The following MYH6 variants were observed in gnomAD, a reference collection of about 807,000 sequenced individuals.
MYH6 encodes the protein myosin heavy chain 6.
A neutral mutation model predicts 223.2 loss-of-function variants in MYH6; 126 were observed. The ratio of observed to expected loss-of-function variants is 0.56; its 90% CI spans 0.49 to 0.65. MYH6 has a LOEUF of 0.65. Ranked by LOEUF, MYH6 falls within the 30% of genes least tolerant of loss-of-function variation. MYH6 has a pLI of 0.00. For synonymous variants in MYH6, 978 were observed against 1,010.2 expected (o/e 0.97, Z 0.61); for missense variants, 2,040 against 2,536.4 (o/e 0.80, Z 4.20).
chr14:23,386,736 G>A, intron 32 of MYH6, 113 bp from the exon 33 acceptor site: 1 of 1,329,362 alleles, frequency 7.5e-7, no homozygotes, highest in Non-Finnish European at 1.0e-6. Flanking sequence ...GAAGAGCTGA[G>A]AAGAGATGGG....
chr14:23,388,111 C>T, intron 30 of MYH6, 44 bp downstream of exon 30: 1 of 1,612,100 alleles, frequency 6.2e-7, no homozygotes, highest in Non-Finnish European at 8.5e-7. Flanking sequence ...CCCCTCATGC[C>T]CCCTTGCCCT....
rs200503588 is a variant in MYH6, at chr14:23,389,635, T to A, written c.3817A>T (p.Asn1273Tyr). 3 of 1,614,110 alleles carry A rather than the reference T, an allele frequency of 1.9e-6. No homozygotes were observed. The highest frequency in any genetic ancestry group is 1.3e-5 in the African/African-American group (1 of 75,020). ...TTGGCTCGCTGGGTGGTGAAATCAT[T>A]GAGGGAGCGTTGGGCCTCTTCTAGC... ...VKLEEAQRSL[N>Y]DFTTQRAKLQ... The change falls in exon 27 of 39, where the codon AAT becomes TAT. Residue 1273 changes from asparagine (N) to tyrosine (Y), a missense_variant. Around this residue, in one of 4 missense-constraint regions of MYH6, gnomAD observed 1,203 missense variants for 1,400.2 expected, o/e 0.86. Coordinates refer to ENST00000405093, the MANE Select transcript of MYH6 (RefSeq NM_002471.4).
chr14:23,387,432 T>G, intron 32 of MYH6, 97 bp downstream of exon 32: 2 of 1,572,086 alleles, frequency 1.3e-6, no homozygotes, highest in Non-Finnish European at 1.7e-6. Flanking sequence ...ATGGAATGAA[T>G]AGATTTTGTC....
Position 23,394,232 on chromosome 14 carries a change from G to A in MYH6, c.2521C>T (p.Leu841=), listed in dbSNP as rs760142743. ...WMKLYFKIKP[L]LKSAETEKEM... ...TTCTCCGTCTCTGCGCTCTTCAGCAGCGGCTTGATCTTGAAGTAGAGCTTC... is the reference window on the plus strand; with the variant it reads ...TTCTCCGTCTCTGCGCTCTTCAGCAACGGCTTGATCTTGAAGTAGAGCTTC... Residue 841 remains leucine, a synonymous_variant, in exon 21 of 39, where the codon CTG becomes TTG. Transcript: ENST00000405093. The A allele has an allele frequency of 4.3e-6, 7 of 1,614,234 alleles. No individual in the cohort carries two copies. The highest frequency in any genetic ancestry group is 5.9e-6 in the Non-Finnish European group (7 of 1,180,046).
chr14:23,388,985 T>A lies in MYH6; in HGVS notation c.4049A>T (p.Glu1350Val). The A allele has an allele frequency of 6.2e-7, 1 of 1,611,638 alleles. No homozygotes were observed. Residue 1350 changes from glutamate to valine, a missense_variant, in exon 29 of 39, where the codon GAG becomes GTG. Physicochemically the swap from Glu to Val is moderately radical, Grantham distance 121 (BLOSUM62 -2). This residue lies in a region of MYH6 where 1,203 missense variants were observed against 1,400.2 expected (regional missense o/e 0.86). Transcript: ENST00000405093. ...HDCDLLREQY[E>V]EETEAKAELQ... Reference sequence around the variant, plus strand: ...CTCGGCCTTGGCCTCTGTCTCCTCCTCGTACTGCTCCCGCAGCAGGTCGCA... The same window carrying A: ...CTCGGCCTTGGCCTCTGTCTCCTCCACGTACTGCTCCCGCAGCAGGTCGCA...
At chr14:23,399,098 T>G in intron 14 of MYH6, 61 bp from the exon 15 acceptor site, 8 of 1,592,132 alleles carry the variant, frequency 5.0e-6, no homozygotes, top group Non-Finnish European at 6.9e-6. Flanking sequence ...GCTTCCACAG[T>G]CCCATACCCT....
intron 33 of MYH6, 81 bp downstream of exon 33, chr14:23,386,234 T>C: frequency 6.2e-7 from 1 of 1,613,172 alleles, no homozygotes; most frequent in Non-Finnish European, 8.5e-7. Flanking sequence ...AGGAGGAATC[T>C]GGTGCCTGTA....
chr14:23,392,378 C>T (rs375720529), intron 25 of MYH6, among the ~76,000 whole-genome samples, 184 bp downstream of exon 25: 2 of 152,210 alleles, frequency 1.3e-5, no homozygotes, highest in Middle Eastern at 3.4e-3. Flanking sequence ...GTTTTGCTAA[C>T]GTAATGTATT....
intron 20 of MYH6, among the ~76,000 whole-genome samples, chr14:23,395,763 C>G (rs563561754): frequency 1.3e-5 from 2 of 151,912 alleles, no homozygotes; most frequent in Non-Finnish European, 2.9e-5. Flanking sequence ...CTCCTGACCT[C>G]GTGATCCACC....
At chr14:23,392,468 C>G in intron 25 of MYH6, 94 bp downstream of exon 25, 2 of 988,364 alleles carry the variant, frequency 2.0e-6, no homozygotes, top group Non-Finnish European at 1.6e-6. Flanking sequence ...GCCTGGAGTT[C>G]CAGATATTGT....
At chr14:23,385,596 A>G (rs1157859094) in intron 34 of MYH6, among the ~76,000 whole-genome samples, 1 of 152,002 alleles carries the variant, frequency 6.6e-6, no homozygotes, top group African/African-American at 2.4e-5. Context: ...AGATGCAGTT[A>G]TGCTTCTTTA....
At position 23,397,561 on chromosome 14, in the gene MYH6, C is replaced by T. The variant is rs367742240; in HGVS notation, c.1944G>A (p.Thr648=). The change falls in exon 16 of 39, where the codon ACG becomes ACA. Residue 648 remains threonine (T), a synonymous_variant. Coordinates refer to ENST00000405093, the MANE Select transcript of MYH6 (RefSeq NM_002471.4). ...TTCTTACCCGGTGGAGAGCCGACACCGTCTGGAAGGATGAGCCCTTTTTCT... is the reference window on the plus strand; with the variant it reads ...TTCTTACCCGGTGGAGAGCCGACACTGTCTGGAAGGATGAGCCCTTTTTCT... ...GGKKKGSSFQ[T]VSALHRENLN... 38 of 1,614,064 alleles carry T rather than the reference C, an allele frequency of 2.4e-5. No individual in the cohort carries two copies. Among genetic ancestry groups the T allele is most frequent in the East Asian group, 2.0e-4 (9 of 44,892 alleles).
rs547934982 is a variant in MYH6 at position 23,404,993 on chromosome 14, T to G, written c.530+107A>C. 168 of 1,564,136 alleles carry G rather than the reference T, an allele frequency of 1.1e-4. No homozygotes were observed. The African/African-American group carries it at 2.1e-3, about 20-fold the overall frequency. Reference sequence around the variant, plus strand: ...CCTCTAATGAGAGCTCAGTGCCCCATGCTCCCTGCAATCCCAGCCTTAAAC... The same window carrying G: ...CCTCTAATGAGAGCTCAGTGCCCCAGGCTCCCTGCAATCCCAGCCTTAAAC... On this transcript the variant is annotated intron_variant, in intron 6 of 38. Coordinates refer to ENST00000405093, the MANE Select transcript of MYH6 (RefSeq NM_002471.4).
At position 23,407,129 on chromosome 14, in the gene MYH6, T is replaced by C; in HGVS notation, c.95A>G (p.Asp32Gly). 2 of 1,614,236 alleles carry C rather than the reference T, an allele frequency of 1.2e-6. No homozygotes were observed. The highest frequency in any genetic ancestry group is 1.7e-6 in the Non-Finnish European group (2 of 1,180,048). The change falls in exon 3 of 39, where the codon GAC (aspartate) becomes GGC (glycine). Residue 32 changes from aspartate to glycine, a missense_variant. Transcript: ENST00000405093. This position sits in a 1 kb window ranked among gnomAD's most constrained non-coding sequence, Gnocchi z 5.6. ...GGGCACGAAGCACTCAGTGCGAATG[T>C]CAAAGGGCCGGGTCTGGGCCTCTAG... ...ERLEAQTRPF[D>G]IRTECFVPDD...
At chr14:23,403,824 A>G (rs1283368513) in intron 8 of MYH6, 46 bp from the exon 9 acceptor site, 1 of 1,523,552 alleles carries the variant, frequency 6.6e-7, no homozygotes, top group Non-Finnish European at 9.0e-7. Context: ...GGAAGGACAG[A>G]GTGAAATCCT....
intron 36 of MYH6, among the ~76,000 whole-genome samples, chr14:23,383,528 T>C (rs1890925143): frequency 6.6e-6 from 1 of 152,070 alleles, no homozygotes; most frequent in African/African-American, 2.4e-5. Flanking sequence ...CACAGAGCAA[T>C]GAAGGCTGAA....
At chr14:23,398,499 C>T (rs1027294778) in intron 15 of MYH6, among the ~76,000 whole-genome samples, 1 of 152,194 alleles carries the variant, frequency 6.6e-6, no homozygotes, top group Non-Finnish European at 1.5e-5. Context: ...TCCAGTTACT[C>T]CCCATCTTGA....
In MYH6 at chr14:23,393,804, A is replaced by T. The variant is rs934343235; in HGVS notation, c.2790T>A (p.Asp930Glu). ...TGAGCTCCGCGTTCATCTCCTCCTC[A>T]TCCTCCAGCCTCTCATTCATCTCCT... Reference protein sequence around the residue: ...KVKEMNERLEDEEEMNAELTA... With the variant: ...KVKEMNERLEEEEEMNAELTA... Residue 930 changes from aspartate to glutamate, a missense_variant, in exon 22 of 39, where the codon GAT (aspartate) becomes GAA (glutamate). Around this residue, in one of 4 missense-constraint regions of MYH6, gnomAD observed 1,203 missense variants for 1,400.2 expected, o/e 0.86. Coordinates refer to ENST00000405093, the MANE Select transcript of MYH6 (RefSeq NM_002471.4). The T allele has an allele frequency of 6.2e-7, 1 of 1,613,870 alleles. No individual in the cohort carries two copies. Among genetic ancestry groups the T allele is most frequent in the African/African-American group, 1.3e-5 (1 of 74,844 alleles).
rs1045998017 is a variant in MYH6 at position 23,389,417 on chromosome 14, T to C, written c.3954A>G (p.Lys1318=). Reference sequence around the variant, plus strand: ...CCTTGCCCTCCTCCTCCAGCTGCCTTTTGAGGTCCTCCATTTGCTGGGTAT... The same window carrying C: ...CCTTGCCCTCCTCCTCCAGCTGCCTCTTGAGGTCCTCCATTTGCTGGGTAT... ...LSYTQQMEDL[K]RQLEEEGKAK... is the part of the protein sequence containing the mutation. The change falls in exon 28 of 39, where the codon AAA becomes AAG. Residue 1318 remains lysine, a synonymous_variant. Coordinates refer to ENST00000405093, the MANE Select transcript of MYH6 (RefSeq NM_002471.4). 17 of 1,613,982 alleles carry C rather than the reference T, an allele frequency of 1.1e-5. No homozygotes were observed. The highest frequency in any genetic ancestry group is 1.4e-5 in the Non-Finnish European group (17 of 1,180,010).
Sources: allele counts gnomAD v4.1 joint callset (sites outside exome capture counted in the v4.1 genomes callset), GRCh38; gene constraint gnomAD v4.1.1; regional missense constraint gnomAD v4.1.1; non-coding constraint Gnocchi (gnomAD v3.1); transcripts MANE v1.5; gene names NCBI Gene and HGNC (gene_info 2026-07-23, HGNC 2026-07-21).